Variants in OR52N4 observed in about 807,000 individuals in gnomAD.
OR52N4 encodes the protein olfactory receptor family 52 subfamily N member 4.
In OR52N4, 15 loss-of-function variants were observed where a neutral mutation model predicts 15.0. The observed-to-expected ratio is 1.00, with a 90% confidence interval of 0.67 to 1.54. The LOEUF is 1.54. OR52N4 is among the 40% of genes most tolerant of loss of function. OR52N4 has a pLI of 0.00. For synonymous variants in OR52N4, 143 were observed against 143.7 expected, an observed-to-expected ratio of 1.00 and a Z score of 0.03; for missense variants, 421 against 394.0, an observed-to-expected ratio of 1.07 and a Z score of -0.58.
At chr11:5,751,468 G>C (rs1457283717), upstream of OR52N4, among the ~76,000 whole-genome samples, 1 of 150,964 alleles carries the variant, frequency 6.6e-6, no homozygotes, top group African/African-American at 2.4e-5. Flanking sequence ...TTTCCTTCTA[G>C]TGGTTTCTTT....
rs1046694512 is a variant in OR52N4, at chr11:5,755,940, CAT to C, written c.*237_*238del. 2 of 488,810 alleles carry C rather than the reference CAT, an allele frequency of 4.1e-6. No homozygotes were observed. The highest frequency in any genetic ancestry group is 3.9e-5 in the African/African-American group (2 of 51,472). 30.3% of individuals were successfully genotyped at this position (488,810 alleles called of 1,614,324 possible). On this transcript the variant is annotated 3_prime_UTR_variant, in exon 2 of 2. Coordinates refer to ENST00000641350, the MANE Select transcript of OR52N4 (RefSeq NM_001005175.5). ...TGAAGGACCAGTCTAATAATTAAAC[CAT>C]ATTTTATTCGACAAAACCTAATGAG...
chr11:5,738,915 G>A, the OR52N4 span, among the ~76,000 whole-genome samples: 4 of 130,756 alleles, frequency 3.1e-5, 1 homozygote, highest in Non-Finnish European at 6.8e-5. Flanking sequence ...CTTGAAATAT[G>A]AGTATTAATT....
the OR52N4 span, chr11:5,736,074 C>G: frequency 6.0e-6 from 1 of 166,734 alleles, no homozygotes; most frequent in Admixed American, 5.6e-5. Context: ...GAAATTCAGC[C>G]ATAATCACTA....
At position 5,754,994 on chromosome 11, in the gene OR52N4, G is replaced by T. The variant is rs759299253; in HGVS notation, c.254G>T (p.Cys85Phe). 3 of 1,613,912 alleles carry T rather than the reference G, an allele frequency of 1.9e-6. No homozygotes were observed. The East Asian group carries it at 6.7e-5, about 36-fold the overall frequency. ...TCTAGTACAATCCCTAAAGCCCTCT[G>T]CATCTTCTGGTTTCATCTCAAGGAC... Reference protein sequence around the residue: ...MCSSTIPKALCIFWFHLKDIG... With the variant: ...MCSSTIPKALFIFWFHLKDIG... The change falls in exon 2 of 2, where the codon TGC (cysteine) becomes TTC (phenylalanine). Residue 85 changes from cysteine to phenylalanine, a missense_variant. Transcript: ENST00000641350.
At chr11:5,751,582 T>G (rs528255118), upstream of OR52N4, among the ~76,000 whole-genome samples, 25 of 152,272 alleles carry the variant, frequency 1.6e-4, no homozygotes, top group South Asian at 4.1e-3. Context: ...CTAATAATAC[T>G]TAGATTATAA....
In OR52N4 at chr11:5,755,581, A is replaced by C. The variant is rs1197911040; in HGVS notation, c.841A>C (p.Asn281His). The C allele has an allele frequency of 8.1e-6, 13 of 1,613,770 alleles. No homozygotes were observed. Among genetic ancestry groups the C allele is most frequent in the Non-Finnish European group, 1.1e-5 (13 of 1,179,848 alleles). The change falls in exon 2 of 2, where the codon AAT becomes CAT. Residue 281 changes from asparagine (N) to histidine (H), a missense_variant. Physicochemically the swap from Asn to His is moderately conservative, Grantham distance 68. Transcript: ENST00000641350. ...IPPSCHIIVANIYLLLPPTMN... is the reference protein window; with the variant it reads ...IPPSCHIIVAHIYLLLPPTMN... ...CCCTTCTTGCCACATCATTGTAGCCAATATTTATCTGCTCCTACCACCCAC... is the reference window on the plus strand; with the variant it reads ...CCCTTCTTGCCACATCATTGTAGCCCATATTTATCTGCTCCTACCACCCAC...
the OR52N4 span, chr11:5,736,524 A>T: frequency 6.2e-7 from 1 of 1,613,374 alleles, no homozygotes; most frequent in African/African-American, 1.3e-5. Context: ...ATCATGAATC[A>T]TATGTCTGCA....
chr11:5,728,841 G>A, the OR52N4 span, among the ~76,000 whole-genome samples: 2 of 152,288 alleles, frequency 1.3e-5, no homozygotes, highest in East Asian at 3.9e-4. Context: ...TTTATAGGGA[G>A]AGTACTAGTA....
At chr11:5,736,429 A>G in the OR52N4 span, 1 of 1,165,268 alleles carries the variant, frequency 8.6e-7, no homozygotes, top group South Asian at 1.4e-5. Context: ...AAAGGCTTAG[A>G]AAAATACTAC....
At chr11:5,748,719 A>C in the OR52N4 span, among the ~76,000 whole-genome samples, 2 of 152,044 alleles carry the variant, frequency 1.3e-5, no homozygotes, top group Non-Finnish European at 2.9e-5. Flanking sequence ...TTAGTTTATG[A>C]ATGAACAAAA....
At chr11:5,751,105 G>C (rs1204241916), upstream of OR52N4, among the ~76,000 whole-genome samples, 3 of 151,954 alleles carry the variant, frequency 2.0e-5, no homozygotes, top group African/African-American at 7.2e-5. Context: ...TCTTCTCAAA[G>C]TGATCTTGAC....
chr11:5,737,565 A>T, the OR52N4 span: 1 of 1,354,794 alleles, frequency 7.4e-7, no homozygotes, highest in South Asian at 1.5e-5. Context: ...AGGATAAATG[A>T]GTAAGTGAAT....
chr11:5,743,111 A>T, the OR52N4 span, among the ~76,000 whole-genome samples: 2 of 152,030 alleles, frequency 1.3e-5, no homozygotes, highest in Non-Finnish European at 2.9e-5. Flanking sequence ...TATAAGCCAG[A>T]CTTTATATAA....
upstream of OR52N4, among the ~76,000 whole-genome samples, chr11:5,752,369 T>C (rs1854208536): frequency 6.6e-6 from 1 of 152,224 alleles, no homozygotes; most frequent in Non-Finnish European, 1.5e-5. Context: ...TCTTACCCAA[T>C]AAGGCAGAAC....
At chr11:5,731,842 C>A in the OR52N4 span, among the ~76,000 whole-genome samples, 1 of 151,994 alleles carries the variant, frequency 6.6e-6, no homozygotes, top group African/African-American at 2.4e-5. Context: ...TCCAAAGATG[C>A]ATTATTTTTC....
chr11:5,744,744 C>G, the OR52N4 span, among the ~76,000 whole-genome samples: 1 of 152,112 alleles, frequency 6.6e-6, no homozygotes, highest in Non-Finnish European at 1.5e-5. Flanking sequence ...GAAACCCTGT[C>G]TCTACTAAAA....
At chr11:5,742,062 A>G in the OR52N4 span, among the ~76,000 whole-genome samples, 172 of 152,212 alleles carry the variant, frequency 1.1e-3, 2 homozygotes, top group Middle Eastern at 0.017. Flanking sequence ...CATTTCAGAG[A>G]CTGAAGTCGG....
At chr11:5,741,776 A>G in the OR52N4 span, among the ~76,000 whole-genome samples, 144 of 152,254 alleles carry the variant, frequency 9.5e-4, 1 homozygote, top group African/African-American at 3.4e-3. Flanking sequence ...GCCAGAAGCC[A>G]GGGGACAGCA....
rs1344514879 is a variant in OR52N4 at position 5,755,363 on chromosome 11, T to C, written c.623T>C (p.Ile208Thr). 1.1e-5 allele frequency: 18 copies of C among 1,613,928 alleles called. No homozygotes were observed. Among genetic ancestry groups the C allele is most frequent in the Admixed American group, 5.0e-5 (3 of 59,972 alleles). ...AIYGLMVALL[I>T]WGFDILCITN... ...TATGGTCTGATGGTTGCCCTCCTGA[T>C]TTGGGGCTTTGACATACTGTGTATC... is the stretch of plus-strand genomic sequence containing the variant. Residue 208 changes from isoleucine to threonine, a missense_variant, in exon 2 of 2, where the codon ATT becomes ACT. Transcript: ENST00000641350.
Sources: gnomAD v4.1 joint callset for allele counts (sites outside exome capture counted in the v4.1 genomes callset) on GRCh38, gnomAD v4.1.1 for gene constraint, MANE v1.5 for transcripts, NCBI Gene and HGNC (gene_info 2026-07-23, HGNC 2026-07-21) for gene names.